Variants in MAPRE2 observed in about 807,000 individuals in gnomAD.
The protein encoded by MAPRE2 is microtubule associated protein RP/EB family member 2.
MAPRE2 carries 13 observed loss-of-function variants against 43.2 expected under a neutral mutation model. The ratio of observed to expected loss-of-function variants is 0.30; its 90% confidence interval spans 0.20 to 0.48. The LOEUF is 0.48. MAPRE2 is among the 20% of genes least tolerant of loss of function. The pLI is 0.99. For synonymous variants in MAPRE2, 135 were observed against 148.8 expected, an observed-to-expected ratio of 0.91 and a Z score of 0.68; for missense variants, 161 against 400.2, an observed-to-expected ratio of 0.40 and a Z score of 5.10.
intron 6 of MAPRE2, among the ~76,000 whole-genome samples, chr18:35,138,046 CCTG>C (rs1375637448): frequency 6.6e-6 from 1 of 152,184 alleles, no homozygotes; most frequent in Non-Finnish European, 1.5e-5. Flanking sequence ...GAAGTTCTCT[CCTG>C]CTCCCCTGAG....
intron 4 of MAPRE2, among the ~76,000 whole-genome samples, chr18:35,114,236 G>A (rs1421624561): frequency 2.0e-5 from 3 of 152,050 alleles, no homozygotes; most frequent in Non-Finnish European, 4.4e-5. Context: ...GCTGAACCAC[G>A]GTAAATTTCA....
chr18:35,004,297 C>G (rs897949991), intron 1 of MAPRE2, among the ~76,000 whole-genome samples: 1 of 152,128 alleles, frequency 6.6e-6, no homozygotes, highest in Non-Finnish European at 1.5e-5. Flanking sequence ...TTTATTTTTA[C>G]ACAATGATTT....
At chr18:34,985,246 A>G (rs1377277209) in intron 1 of MAPRE2, among the ~76,000 whole-genome samples, 6 of 46,550 alleles carry the variant, frequency 1.3e-4, no homozygotes, top group Admixed American at 8.5e-4. Context: ...TATATAATAT[A>G]AAATATATAA....
At chr18:35,119,550 G>A (rs1909577290) in intron 4 of MAPRE2, among the ~76,000 whole-genome samples, 1 of 152,088 alleles carries the variant, frequency 6.6e-6, no homozygotes. Flanking sequence ...TACATAATAG[G>A]GTTATGGCTC....
At chr18:35,072,314 G>A (rs1907151270) in intron 2 of MAPRE2, among the ~76,000 whole-genome samples, 1 of 152,192 alleles carries the variant, frequency 6.6e-6, no homozygotes, top group South Asian at 2.1e-4. Context: ...TCATTTTGGA[G>A]ATGAATGAAC....
intron 2 of MAPRE2, among the ~76,000 whole-genome samples, chr18:35,013,338 A>G (rs933993261): frequency 6.6e-6 from 1 of 152,196 alleles, no homozygotes; most frequent in African/African-American, 2.4e-5. Flanking sequence ...CAGCCAGTGG[A>G]CAAGGCATAG....
At chr18:35,079,793 G>A (rs1469715814) in intron 2 of MAPRE2, among the ~76,000 whole-genome samples, 1 of 152,228 alleles carries the variant, frequency 6.6e-6, no homozygotes, top group Non-Finnish European at 1.5e-5. Flanking sequence ...TCGTAGAGGA[G>A]GTGATGTTTT....
chr18:35,121,316 C>T (rs1909656537), intron 4 of MAPRE2, among the ~76,000 whole-genome samples: 1 of 152,154 alleles, frequency 6.6e-6, no homozygotes, highest in African/African-American at 2.4e-5. Context: ...AATTTTTTTA[C>T]AACTATGGTT....
intron 6 of MAPRE2, among the ~76,000 whole-genome samples, chr18:35,136,191 T>C (rs1910384609): frequency 6.6e-6 from 1 of 152,208 alleles, no homozygotes; most frequent in Non-Finnish European, 1.5e-5. Context: ...TCATTATGTT[T>C]TCCCCTGATA....
chr18:34,996,300 G>A (rs183569194), intron 1 of MAPRE2, among the ~76,000 whole-genome samples: 30 of 152,150 alleles, frequency 2.0e-4, no homozygotes, highest in East Asian at 7.7e-4. Flanking sequence ...GGATGGTTTC[G>A]GGATGAAACT....
intron 4 of MAPRE2, among the ~76,000 whole-genome samples, chr18:35,118,756 G>A (rs1252206235): frequency 1.3e-5 from 2 of 152,104 alleles, no homozygotes; most frequent in Non-Finnish European, 2.9e-5. Context: ...TGCCCTTCCA[G>A]TACATCTCTG....
At chr18:35,082,882 C>T (rs1012485366) in intron 2 of MAPRE2, among the ~76,000 whole-genome samples, 1 of 152,044 alleles carries the variant, frequency 6.6e-6, no homozygotes, top group Admixed American at 6.6e-5. Flanking sequence ...TGTATCTAGG[C>T]CATACAGTTT....
chr18:35,122,639 G>A lies in MAPRE2; in HGVS notation c.611-4309G>A, dbSNP rs531177128. Among the ~76,000 whole-genome samples the A allele has an allele frequency of 3.3e-5, 5 of 152,252 alleles. No individual in the cohort carries two copies. In the South Asian group the frequency reaches 6.2e-4, roughly 19 times the overall value. ...TGTGTCCCCGTTAGTGAGGCTTAAC[G>A]GTGGGGCAGAAGCGGTGCTTCCATC... On this transcript the variant is annotated intron_variant, in intron 4 of 6. Coordinates refer to ENST00000300249, the MANE Select transcript of MAPRE2 (RefSeq NM_014268.4).
At chr18:35,133,911 C>A (rs1279236746) in intron 6 of MAPRE2, among the ~76,000 whole-genome samples, 2 of 152,210 alleles carry the variant, frequency 1.3e-5, no homozygotes, top group Non-Finnish European at 2.9e-5. Context: ...CCCACACACA[C>A]ATACATCCCA....
At chr18:35,008,349 T>C (rs963922614) in intron 2 of MAPRE2, among the ~76,000 whole-genome samples, 2 of 152,202 alleles carry the variant, frequency 1.3e-5, no homozygotes, top group African/African-American at 4.8e-5. Context: ...TTTTTTATTA[T>C]ATTAATGAAA....
intron 1 of MAPRE2, among the ~76,000 whole-genome samples, chr18:34,985,091 T>C (rs1159513545): frequency 1.1e-5 from 1 of 87,644 alleles, no homozygotes; most frequent in Non-Finnish European, 1.9e-5. Flanking sequence ...TAAAAATATA[T>C]ATTATATAAT....
intron 1 of MAPRE2, among the ~76,000 whole-genome samples, chr18:34,995,761 A>G (rs2097026179): frequency 6.6e-6 from 1 of 152,168 alleles, no homozygotes; most frequent in Admixed American, 6.5e-5. Context: ...ACATTAGTTT[A>G]TCTCAGTTGG....
intron 1 of MAPRE2, among the ~76,000 whole-genome samples, chr18:34,977,819 C>G (rs190312016): frequency 6.8e-4 from 103 of 152,348 alleles, no homozygotes; most frequent in African/African-American, 2.3e-3. Flanking sequence ...GGAAATTCTT[C>G]GGTCTACCCT....
At chr18:35,019,476 C>CGATA (rs1315585258) in intron 2 of MAPRE2, among the ~76,000 whole-genome samples, 3 of 152,010 alleles carry the variant, frequency 2.0e-5, no homozygotes, top group Admixed American at 2.0e-4. Flanking sequence ...CCTCAATGAT[C>CGATA]TATCTAATGC....
Sources: gnomAD v4.1 joint callset for allele counts (sites outside exome capture counted in the v4.1 genomes callset) on GRCh38, gnomAD v4.1.1 for gene constraint, MANE v1.5 for transcripts, NCBI Gene and HGNC (gene_info 2026-07-23, HGNC 2026-07-21) for gene names.